The following PTPRN2 variants were observed in gnomAD, a reference collection of about 807,000 sequenced individuals.
The protein encoded by PTPRN2 is protein tyrosine phosphatase receptor type N2, also known as receptor-type tyrosine-protein phosphatase N2.
In PTPRN2, 74 loss-of-function variants were observed where a neutral mutation model predicts 118.8. That is an observed-to-expected ratio of 0.62 (90% CI 0.52 to 0.76). The LOEUF is 0.76. PTPRN2 is among the 30% of genes least tolerant of loss of function. The pLI is 0.00. For missense variants in PTPRN2, 1,481 were observed against 1,394.4 expected (o/e 1.06, Z -0.99); for synonymous variants, 641 against 608.0 (o/e 1.05, Z -0.80).
At chr7:158,035,468 G>A (rs529851822) in intron 11 of PTPRN2, among the ~76,000 whole-genome samples, 2 of 152,356 alleles carry the variant, frequency 1.3e-5, no homozygotes, top group African/African-American at 4.8e-5. Flanking sequence ...GAGTGTGGCA[G>A]TGGCAGGCAG....
intron 16 of PTPRN2, among the ~76,000 whole-genome samples, chr7:157,597,485 T>TGTGTGTG (rs397760089): frequency 1.5e-5 from 2 of 131,940 alleles, no homozygotes; most frequent in Admixed American, 7.4e-5. Flanking sequence ...TGTGTGTGTG[T>TGTGTGTG]TTTTTTTTTT....
chr7:157,875,846 C>A lies in PTPRN2; in HGVS notation c.1788+22827G>T, dbSNP rs1173947348. 2.7e-5 allele frequency among the ~76,000 whole-genome samples: 4 copies of A among 149,332 alleles called. No individual in the cohort carries two copies. The East Asian group carries it at 8.0e-4, about 30-fold the overall frequency. Reference sequence around the variant, plus strand: ...GGGGCCGAGCCCCCAGGCCAGGCGTCCCCAGGGCAGGCACGGGGCTGCAGA... The same window carrying A: ...GGGGCCGAGCCCCCAGGCCAGGCGTACCCAGGGCAGGCACGGGGCTGCAGA... On this transcript the variant is annotated intron_variant, in intron 12 of 22. Coordinates refer to ENST00000389418, the MANE Select transcript of PTPRN2 (RefSeq NM_002847.5).
At chr7:158,325,820 C>A (rs1803458799) in intron 2 of PTPRN2, among the ~76,000 whole-genome samples, 1 of 152,344 alleles carries the variant, frequency 6.6e-6, no homozygotes, top group African/African-American at 2.4e-5. Flanking sequence ...ACAAAGCCAT[C>A]GCTGAGACAG....
intron 21 of PTPRN2, among the ~76,000 whole-genome samples, chr7:157,568,640 G>GT (rs948946611): frequency 6.6e-6 from 1 of 152,078 alleles, no homozygotes; most frequent in African/African-American, 2.4e-5. Flanking sequence ...ACCAAGGCAG[G>GT]TAACAAAGGA....
intron 12 of PTPRN2, among the ~76,000 whole-genome samples, chr7:157,767,334 T>C (rs1802543380): frequency 6.6e-6 from 1 of 152,196 alleles, no homozygotes; most frequent in African/African-American, 2.4e-5. Flanking sequence ...GGTTTCCCTG[T>C]TCCTCCTGGC....
intron 1 of PTPRN2, among the ~76,000 whole-genome samples, chr7:158,515,689 C>T (rs758192232): frequency 5.9e-5 from 9 of 152,094 alleles, no homozygotes; most frequent in Non-Finnish European, 1.3e-4. Flanking sequence ...CTCTGCAATC[C>T]CTCTTCCCAG....
chr7:157,827,782 G>T (rs1406577974), intron 12 of PTPRN2, among the ~76,000 whole-genome samples: 1 of 152,252 alleles, frequency 6.6e-6, no homozygotes. Context: ...CCCCTGAGCT[G>T]CCGGCCCCGC....
chr7:158,165,580 A>C (rs1279643490), intron 6 of PTPRN2, among the ~76,000 whole-genome samples: 1 of 152,284 alleles, frequency 6.6e-6, no homozygotes, highest in Non-Finnish European at 1.5e-5. Flanking sequence ...GGCTGCAGAC[A>C]GCAGAGAAGC....
intron 3 of PTPRN2, among the ~76,000 whole-genome samples, chr7:158,217,166 G>A (rs1828011638): frequency 6.6e-6 from 1 of 152,146 alleles, no homozygotes; most frequent in Admixed American, 6.5e-5. Context: ...GGGCACTTTT[G>A]CCAGCAACCA....
intron 12 of PTPRN2, among the ~76,000 whole-genome samples, chr7:157,722,217 G>A (rs924286410): frequency 5.3e-5 from 8 of 152,216 alleles, no homozygotes; most frequent in Non-Finnish European, 1.2e-4. Flanking sequence ...GTGGGAAGAC[G>A]GGTGAGACCA....
chr7:157,676,828 A>C lies in PTPRN2; in HGVS notation c.2001+5897T>G, dbSNP rs893011117. Among the ~76,000 whole-genome samples the C allele has an allele frequency of 3.3e-5, 5 of 152,162 alleles. No individual in the cohort carries two copies. Among genetic ancestry groups the C allele is most frequent in the African/African-American group, 7.2e-5 (3 of 41,440 alleles). ...GGGTGCCTAGGAACAGGGGCTCGGA[A>C]GGACCTGCTGTGCATGCAGGGGTCA... On this transcript the variant is annotated intron_variant, in intron 13 of 22. Transcript: ENST00000389418. The surrounding 1 kb of genome is among the most constrained non-coding windows in gnomAD (Gnocchi z 5.6).
intron 12 of PTPRN2, among the ~76,000 whole-genome samples, chr7:157,740,664 T>C (rs1252058188): frequency 6.6e-6 from 1 of 152,170 alleles, no homozygotes; most frequent in Non-Finnish European, 1.5e-5. Flanking sequence ...GGCGGGAGCT[T>C]CTCAGAGGCT....
At chr7:158,396,562 CA>C (rs1464685878) in intron 2 of PTPRN2, among the ~76,000 whole-genome samples, 6 of 152,106 alleles carry the variant, frequency 3.9e-5, no homozygotes, top group Non-Finnish European at 8.8e-5. Flanking sequence ...TTCCTGTGCT[CA>C]GGGGGATGGA....
chr7:157,566,181 G>T (rs939660494), intron 21 of PTPRN2, among the ~76,000 whole-genome samples: 1 of 152,250 alleles, frequency 6.6e-6, no homozygotes, highest in Non-Finnish European at 1.5e-5. Context: ...AGGACTGGAG[G>T]GCCCTAACAT....
At chr7:158,270,361 G>T (rs1798226083) in intron 3 of PTPRN2, among the ~76,000 whole-genome samples, 1 of 152,180 alleles carries the variant, frequency 6.6e-6, no homozygotes, top group Non-Finnish European at 1.5e-5. Flanking sequence ...GCACAGGCAT[G>T]GTTCTCGGGG....
intron 12 of PTPRN2, among the ~76,000 whole-genome samples, chr7:157,786,111 G>A (rs1458161849): frequency 3.9e-5 from 6 of 152,186 alleles, no homozygotes; most frequent in Non-Finnish European, 4.4e-5. Flanking sequence ...CTGGCTGAGC[G>A]CTTTTGCTGT....
chr7:158,532,726 T>C, intron 1 of PTPRN2: 1 of 534,510 alleles, frequency 1.9e-6, no homozygotes, highest in South Asian at 1.4e-5. Context: ...CAACAGGCGC[T>C]TCCTCCAGAC....
At chr7:158,154,063 C>T (rs934124922) in intron 6 of PTPRN2, among the ~76,000 whole-genome samples, 5 of 152,120 alleles carry the variant, frequency 3.3e-5, no homozygotes, top group African/African-American at 4.8e-5. Flanking sequence ...CTCAGGAGCC[C>T]GGCAGGCACC....
At chr7:157,872,124 C>T (rs187804188) in intron 12 of PTPRN2, among the ~76,000 whole-genome samples, 11 of 129,242 alleles carry the variant, frequency 8.5e-5, no homozygotes, top group Admixed American at 7.1e-4. Flanking sequence ...TCCCCACACA[C>T]ACCCAGTGTC....
Sources: allele counts gnomAD v4.1 joint callset (sites outside exome capture counted in the v4.1 genomes callset), GRCh38; gene constraint gnomAD v4.1.1; non-coding constraint Gnocchi (gnomAD v3.1); transcripts MANE v1.5; gene names NCBI Gene and HGNC (gene_info 2026-07-23, HGNC 2026-07-21).